Variants in CENPN observed in about 807,000 individuals in gnomAD.
CENPN encodes interphase centromere complex protein 32.
CENPN carries 36 observed loss-of-function variants against 48.6 expected under a neutral mutation model. The ratio of observed to expected loss-of-function variants is 0.74; its 90% CI spans 0.57 to 0.98. CENPN has a LOEUF of 0.98. Among genes scored for constraint, CENPN ranks in the 50% least tolerant of loss-of-function variants. The pLI is 0.00. For missense variants in CENPN, 439 were observed against 399.2 expected, an observed-to-expected ratio of 1.10 and a Z score of -0.85; for synonymous variants, 166 against 135.2, an observed-to-expected ratio of 1.23 and a Z score of -1.58.
At chr16:81,026,042 G>A (rs2151708069) in intron 8 of CENPN, among the ~76,000 whole-genome samples, 1 of 145,904 alleles carries the variant, frequency 6.9e-6, no homozygotes, top group Non-Finnish European at 1.5e-5. Flanking sequence ...TATAGGCTGG[G>A]TGCCATGGAG....
chr16:81,007,929 A>T (rs1178305555), intron 1 of CENPN, among the ~76,000 whole-genome samples: 1 of 152,120 alleles, frequency 6.6e-6, no homozygotes, highest in Non-Finnish European at 1.5e-5. Flanking sequence ...CAACATGGTG[A>T]AACCCCGTCT....
intron 1 of CENPN, among the ~76,000 whole-genome samples, chr16:81,010,176 C>T (rs987519155): frequency 2.6e-5 from 4 of 151,912 alleles, no homozygotes; most frequent in African/African-American, 9.7e-5. Flanking sequence ...CCAGCCCGGG[C>T]GACAGAGTGA....
In CENPN at chr16:81,030,172, A is replaced by C. The variant is rs1970707104; in HGVS notation, c.*1521A>C. 1 of 983,890 alleles carries C rather than the reference A, an allele frequency of 1.0e-6. No homozygotes were observed. The allele number at this position is 983,890 out of a possible 1,614,324, so 60.9% of individuals were successfully genotyped here. ...GTCACATGGGGGTTATTACAATTCA[A>C]GGTGACACTTGTGTGGAGACACAGC... On this transcript the variant is annotated 3_prime_UTR_variant, in exon 11 of 11. Transcript: ENST00000305850.
intron 6 of CENPN, 38 bp from the exon 7 acceptor site, chr16:81,022,559 G>A (rs1970264934): frequency 1.3e-6 from 2 of 1,516,648 alleles, no homozygotes; most frequent in African/African-American, 1.4e-5. Flanking sequence ...CACAGAGGCA[G>A]TAATCCTAGT....
rs10579473 is a variant in CENPN, at chr16:81,028,546, CTTT to C, written c.938-11_938-9del. The stretch of plus-strand genomic sequence containing the variant: ...TGATGACTTTTAATTTTCTTTTTCC[CTTT>C]TTTTTTTTTTTAATTTCAGGTATTG... On this transcript the variant is annotated intron_variant, in intron 10 of 10. Transcript: ENST00000305850. 1.0e-4 allele frequency: 161 copies of C among 1,578,922 alleles called. No homozygotes were observed. The highest frequency in any genetic ancestry group is 6.7e-4 in the African/African-American group (48 of 71,186).
Position 81,029,391 on chromosome 16 carries a change from A to T in CENPN, c.*740A>T. 7.1e-6 allele frequency: 5 copies of T among 702,506 alleles called. No homozygotes were observed. Among genetic ancestry groups the T allele is most frequent in the Non-Finnish European group, 8.7e-6 (5 of 572,088 alleles). 43.5% of individuals were successfully genotyped at this position (702,506 alleles called of 1,614,324 possible). A position where few individuals can be genotyped will look rare whatever the true frequency, so the allele number is the denominator to read the frequency against. On this transcript the variant is annotated 3_prime_UTR_variant, in exon 11 of 11. Coordinates refer to ENST00000305850, the MANE Select transcript of CENPN (RefSeq NM_001100624.3). Reference sequence around the variant, plus strand: ...TCTTTTTAAAAATTTTTTCCTTTCTAATTTTTTATTTCTTTATTTATTTAT... The same window carrying T: ...TCTTTTTAAAAATTTTTTCCTTTCTTATTTTTTATTTCTTTATTTATTTAT...
chr16:81,022,602 G>A lies in CENPN; in HGVS notation c.537G>A (p.Leu179=), dbSNP rs191978543. 1 of 1,613,922 alleles carries A rather than the reference G, an allele frequency of 6.2e-7. No individual in the cohort carries two copies. Among genetic ancestry groups the A allele is most frequent in the East Asian group, 2.2e-5 (1 of 44,852 alleles). The part of the protein sequence containing the change: ...RRNTPLLGQA[L]TIASKHHQIV... Reference sequence around the variant, plus strand: ...TTGCAAATTTTCATTTCAAGGCGCTGACAATTGCTAGCAAACACCATCAGA... The same window carrying A: ...TTGCAAATTTTCATTTCAAGGCGCTAACAATTGCTAGCAAACACCATCAGA... Residue 179 remains leucine (L), a synonymous_variant, in exon 7 of 11, where the codon CTG becomes CTA. Transcript: ENST00000305850.
chr16:81,019,902 AT>A (rs35505203), intron 5 of CENPN, among the ~76,000 whole-genome samples, 197 bp from the exon 6 acceptor site: 55 of 145,452 alleles, frequency 3.8e-4, no homozygotes, highest in Non-Finnish European at 3.8e-4. Context: ...ACTGAAAAGG[AT>A]TTTTTTTTTT....
chr16:81,028,471 C>A (rs1014016356), intron 10 of CENPN, 98 bp from the exon 11 acceptor site: 19 of 1,539,902 alleles, frequency 1.2e-5, no homozygotes, highest in Non-Finnish European at 1.6e-5. Flanking sequence ...CATCTATGAT[C>A]CACCCTCTAA....
In CENPN at chr16:81,014,127, C is replaced by G. The variant is rs1475185048; in HGVS notation, c.172-9C>G. Reference sequence around the variant, plus strand: ...CCACAGTTACTAAATAATTTGTTTTCTCTTTTAGGAAAAGCGTGCAAGTAT... The same window carrying G: ...CCACAGTTACTAAATAATTTGTTTTGTCTTTTAGGAAAAGCGTGCAAGTAT... On this transcript the variant is annotated splice_polypyrimidine_tract_variant and intron_variant, in intron 2 of 10. Transcript: ENST00000305850. 2 of 1,612,166 alleles carry G rather than the reference C, an allele frequency of 1.2e-6. No individual in the cohort carries two copies. The highest frequency in any genetic ancestry group is 8.5e-7 in the Non-Finnish European group (1 of 1,178,444).
rs372959452 is a variant in CENPN at position 81,013,016 on chromosome 16, A to C, written c.171+906A>C. On this transcript the variant is annotated intron_variant, in intron 2 of 10. Coordinates refer to ENST00000305850, the MANE Select transcript of CENPN (RefSeq NM_001100624.3). ...TATTGATAAATATTTAGTTATATAAATGAAGATGCATTGTAGCATTGTTTT... is the reference window on the plus strand; with the variant it reads ...TATTGATAAATATTTAGTTATATAACTGAAGATGCATTGTAGCATTGTTTT... Among the ~76,000 whole-genome samples the C allele has an allele frequency of 2.6e-5, 4 of 152,366 alleles. No individual in the cohort carries two copies. In the East Asian group the frequency reaches 7.7e-4, roughly 29 times the overall value.
intron 1 of CENPN, among the ~76,000 whole-genome samples, chr16:81,007,765 A>C (rs1969512943): frequency 1.3e-5 from 2 of 152,170 alleles, no homozygotes; most frequent in African/African-American, 2.4e-5. Context: ...ACAGATCTTG[A>C]GCATCTACTG....
intron 5 of CENPN, among the ~76,000 whole-genome samples, chr16:81,019,065 G>C (rs1970057450): frequency 6.6e-6 from 1 of 152,204 alleles, no homozygotes; most frequent in African/African-American, 2.4e-5. Context: ...CTCTGGTCTT[G>C]CCATGTAACA....
At chr16:81,018,556 C>T (rs995292137) in intron 5 of CENPN, among the ~76,000 whole-genome samples, 10 of 152,184 alleles carry the variant, frequency 6.6e-5, no homozygotes, top group African/African-American at 2.4e-4. Flanking sequence ...ATAGTCAGTG[C>T]AAACCTGAAG....
Position 81,014,359 on chromosome 16 carries a change from C to T in CENPN, c.217+178C>T, listed in dbSNP as rs1393198832. ...AAGTGATTCTCCAACCTCAGCCTCC[C>T]GAGTAGCTGGGACTATAGCAGTGCA... On this transcript the variant is annotated intron_variant, in intron 3 of 10. Transcript: ENST00000305850. The T allele has an allele frequency of 6.6e-6, 4 of 603,546 alleles. No individual in the cohort carries two copies. In the East Asian group the frequency reaches 8.5e-5, roughly 13 times the overall value. The allele number at this position is 603,546 out of a possible 1,614,324, so 37.4% of individuals were successfully genotyped here. A position where few individuals can be genotyped will look rare whatever the true frequency, so the allele number is the denominator to read the frequency against.
Position 81,017,769 on chromosome 16 carries a change from G to T in CENPN, c.289G>T (p.Asp97Tyr). ...TTTCACTTTGGCAGGTGAAGATGTT[G>T]ACCTTTTTGATATGAAACAATTTAA... ...QMSKGPGEDV[D>Y]LFDMKQFKNS... The change falls in exon 5 of 11, where the codon GAC becomes TAC. Residue 97 changes from aspartate (D) to tyrosine (Y), a missense_variant. Physicochemically the swap from Asp to Tyr is radical, Grantham distance 160. Transcript: ENST00000305850. 6.3e-7 allele frequency: 1 copy of T among 1,584,904 alleles called. No individual in the cohort carries two copies. The highest frequency in any genetic ancestry group is 8.6e-7 in the Non-Finnish European group (1 of 1,167,724).
At chr16:81,023,728 G>C (rs1301162962) in intron 7 of CENPN, 1 of 152,102 alleles carries the variant, frequency 6.6e-6, no homozygotes, top group African/African-American at 2.4e-5. Context: ...CTTGAGCCCA[G>C]GAGTTCAAGA....
In CENPN at chr16:81,014,174, C is replaced by T; in HGVS notation, c.210C>T (p.Asp70=). 6.2e-7 allele frequency: 1 copy of T among 1,612,726 alleles called. No homozygotes were observed. Among genetic ancestry groups the T allele is most frequent in the Non-Finnish European group, 8.5e-7 (1 of 1,178,848 alleles). ...GTATCAGTGATGCTGCCCTGTTAGA[C>T]ATCATTTGTAAGTGTCAGTGATTTG... ...RASISDAALL[D]IIYMQFHQHQ... Residue 70 remains aspartate, a synonymous_variant, in exon 3 of 11, where the codon GAC becomes GAT. Transcript: ENST00000305850.
rs1297877443 is a variant in CENPN, at chr16:81,030,410, T to G, written c.*1759T>G. 1 of 982,674 alleles carries G rather than the reference T, an allele frequency of 1.0e-6. No individual in the cohort carries two copies. The highest frequency in any genetic ancestry group is 1.2e-6 in the Non-Finnish European group (1 of 828,550). The allele number at this position is 982,674 out of a possible 1,614,324, so 60.9% of individuals were successfully genotyped here. A position where few individuals can be genotyped will look rare whatever the true frequency, so the allele number is the denominator to read the frequency against. On this transcript the variant is annotated 3_prime_UTR_variant, in exon 11 of 11. Transcript: ENST00000305850. ...GATACCAGATATGTGGGGGAGGGGG[T>G]TTCCCCCACACATTAAGCAAGTGTG...
Sources: gnomAD v4.1 joint callset for allele counts (sites outside exome capture counted in the v4.1 genomes callset) on GRCh38, gnomAD v4.1.1 for gene constraint, MANE v1.5 for transcripts, NCBI Gene and HGNC (gene_info 2026-07-23, HGNC 2026-07-21) for gene names.